The following TMEM39A variants were observed in gnomAD, a reference collection of about 807,000 sequenced individuals.
TMEM39A encodes the protein suppressor of SQST-1 aggregates in rpl-43 mutants.
A neutral mutation model predicts 51.9 loss-of-function variants in TMEM39A; 19 were observed. That is an observed-to-expected ratio of 0.37 (90% CI 0.26 to 0.54). The LOEUF (loss-of-function observed/expected upper bound fraction) is 0.54, where lower values mean the gene tolerates loss of function less well. TMEM39A is among the 20% of genes least tolerant of loss of function. The pLI is 0.88. For missense variants in TMEM39A, 433 were observed against 590.5 expected (o/e 0.73, Z 2.76); for synonymous variants, 197 against 220.2 (o/e 0.89, Z 0.93).
At position 119,456,434 on chromosome 3, in the gene TMEM39A, A is replaced by G. The variant is rs76139377; in HGVS notation, c.336+1584T>C. 2.9e-3 allele frequency among the ~76,000 whole-genome samples: 441 copies of G among 152,350 alleles called. 1 individual carries two copies. Among genetic ancestry groups the G allele is most frequent in the African/African-American group, 0.01 (427 of 41,574 alleles). Reference sequence around the variant, plus strand: ...AATACCAGGAACAACCAAATGATACAAATATTTAAAACAAAAATTTTTATT... The same window carrying G: ...AATACCAGGAACAACCAAATGATACGAATATTTAAAACAAAAATTTTTATT... On this transcript the variant is annotated intron_variant, in intron 3 of 8. Coordinates refer to ENST00000319172, the MANE Select transcript of TMEM39A (RefSeq NM_018266.3).
chr3:119,461,817 G>C (rs1577068957), intron 2 of TMEM39A, 145 bp downstream of exon 2: 3 of 619,146 alleles, frequency 4.8e-6, no homozygotes, highest in Non-Finnish European at 7.7e-6. Context: ...TTGGAATTCT[G>C]AATTTTGTCT....
intron 3 of TMEM39A, among the ~76,000 whole-genome samples, chr3:119,457,188 T>C (rs1247773712): frequency 6.6e-6 from 1 of 152,042 alleles, no homozygotes; most frequent in Non-Finnish European, 1.5e-5. Flanking sequence ...GCCAGGATGG[T>C]CTCGATCTCT....
chr3:119,452,324 C>T (rs956060464), intron 4 of TMEM39A, 123 bp downstream of exon 4: 1 of 618,156 alleles, frequency 1.6e-6, no homozygotes, highest in African/African-American at 1.9e-5. Context: ...ACTGGCAGAA[C>T]TCACATGGGA....
In TMEM39A at chr3:119,437,938, C is replaced by T. The variant is rs745906149; in HGVS notation, c.741G>A (p.Ser247=). 5 of 1,613,912 alleles carry T rather than the reference C, an allele frequency of 3.1e-6. No individual in the cohort carries two copies. In the African/African-American group the frequency reaches 4.0e-5, roughly 13 times the overall value. ...SKDFLSLLLE[S]LKEQFNNATP... ...TGGCATTATTAAACTGTTCTTTTAGCGACTCCAGCAACAAGGAGAGAAAGT... is the reference window on the plus strand; with the variant it reads ...TGGCATTATTAAACTGTTCTTTTAGTGACTCCAGCAACAAGGAGAGAAAGT... Residue 247 remains serine (S), a synonymous_variant, in exon 6 of 9, where the codon TCG becomes TCA. Transcript: ENST00000319172.
At chr3:119,439,579 C>CAA (rs201923985) in intron 5 of TMEM39A, among the ~76,000 whole-genome samples, 444 of 100,254 alleles carry the variant, frequency 4.4e-3, no homozygotes, top group Middle Eastern at 0.022. Flanking sequence ...AACTCCTTCT[C>CAA]AAAAAAAAAA....
Position 119,430,715 on chromosome 3 carries a change from C to G in TMEM39A, c.*1266G>C, listed in dbSNP as rs2080887391. On this transcript the variant is annotated 3_prime_UTR_variant, in exon 9 of 9. Coordinates refer to ENST00000319172, the MANE Select transcript of TMEM39A (RefSeq NM_018266.3). ...TTTACAAACACTCCTCACAATACTT[C>G]CCCTTGGTGAAGCCTTTCAGGAACT... 1 of 152,160 alleles carries G rather than the reference C, an allele frequency of 6.6e-6. No homozygotes were observed. The highest frequency in any genetic ancestry group is 2.4e-5 in the African/African-American group (1 of 41,448). 9.4% of individuals were successfully genotyped at this position (152,160 alleles called of 1,614,324 possible).
intron 3 of TMEM39A, among the ~76,000 whole-genome samples, chr3:119,457,512 T>A (rs1395765196): frequency 6.6e-6 from 1 of 152,148 alleles, no homozygotes; most frequent in Non-Finnish European, 1.5e-5. Flanking sequence ...CTAAGCTCTT[T>A]CCCCTTCTGG....
chr3:119,446,022 T>G (rs1032014692), intron 5 of TMEM39A, among the ~76,000 whole-genome samples: 1 of 152,202 alleles, frequency 6.6e-6, no homozygotes, highest in African/African-American at 2.4e-5. Context: ...CTATGTTTTT[T>G]CCTATACTAT....
At chr3:119,447,605 A>C (rs2081144926) in intron 4 of TMEM39A, among the ~76,000 whole-genome samples, 1 of 151,674 alleles carries the variant, frequency 6.6e-6, no homozygotes, top group Non-Finnish European at 1.5e-5. Context: ...CCAGTGTTTT[A>C]TTTATTTATT....
At chr3:119,449,210 C>G (rs1190127490) in intron 4 of TMEM39A, among the ~76,000 whole-genome samples, 1 of 152,070 alleles carries the variant, frequency 6.6e-6, no homozygotes, top group Non-Finnish European at 1.5e-5. Context: ...AAATAATTCT[C>G]AAATATAGTA....
intron 5 of TMEM39A, among the ~76,000 whole-genome samples, chr3:119,442,261 T>C (rs1172908326): frequency 1.3e-5 from 2 of 151,214 alleles, no homozygotes; most frequent in African/African-American, 4.9e-5. Flanking sequence ...GACAATCACT[T>C]GAACCTGGGA....
intron 5 of TMEM39A, among the ~76,000 whole-genome samples, chr3:119,440,254 C>T (rs1456545618): frequency 1.3e-5 from 2 of 152,154 alleles, no homozygotes; most frequent in Non-Finnish European, 2.9e-5. Flanking sequence ...TGTAGTCTCA[C>T]TGCCACATAA....
chr3:119,456,325 CAT>C (rs2081263292), intron 3 of TMEM39A, among the ~76,000 whole-genome samples: 1 of 152,140 alleles, frequency 6.6e-6, no homozygotes, highest in African/African-American at 2.4e-5. Flanking sequence ...GGCACTATAT[CAT>C]TGCAATTTTT....
In TMEM39A at chr3:119,429,937, G is replaced by C. The variant is rs1330841790; in HGVS notation, c.*2044C>G. 1 of 151,974 alleles carries C rather than the reference G, an allele frequency of 6.6e-6. No individual in the cohort carries two copies. The highest frequency in any genetic ancestry group is 1.5e-5 in the Non-Finnish European group (1 of 67,988). The allele number at this position is 151,974 out of a possible 1,614,324, so 9.4% of individuals were successfully genotyped here. ...TGTTATCTCTAATCAGGGTTTTCTGGGTTACTTTCCCAAGCTGGAGCCAAG... is the reference window on the plus strand; with the variant it reads ...TGTTATCTCTAATCAGGGTTTTCTGCGTTACTTTCCCAAGCTGGAGCCAAG... On this transcript the variant is annotated 3_prime_UTR_variant, in exon 9 of 9. Coordinates refer to ENST00000319172, the MANE Select transcript of TMEM39A (RefSeq NM_018266.3).
At chr3:119,432,337 A>G (rs1467396739) in intron 8 of TMEM39A, 123 bp from the exon 9 acceptor site, 4 of 632,986 alleles carry the variant, frequency 6.3e-6, no homozygotes, top group Non-Finnish European at 7.9e-6. Context: ...TAATAAATAG[A>G]TCTGTTTATT....
At chr3:119,456,171 A>C (rs946781405) in intron 3 of TMEM39A, among the ~76,000 whole-genome samples, 1 of 152,240 alleles carries the variant, frequency 6.6e-6, no homozygotes, top group Non-Finnish European at 1.5e-5. Context: ...TTATAGAACT[A>C]TATAGCTGTA....
At chr3:119,433,622 G>A (rs888071339) in intron 8 of TMEM39A, among the ~76,000 whole-genome samples, 3 of 152,118 alleles carry the variant, frequency 2.0e-5, no homozygotes, top group Admixed American at 6.6e-5. Flanking sequence ...AGGTCTCAAG[G>A]AGACAGCAAG....
chr3:119,435,733 C>T, intron 7 of TMEM39A: 6 of 1,005,110 alleles, frequency 6.0e-6, no homozygotes, highest in Non-Finnish European at 7.1e-6. Flanking sequence ...GAAAATGTTC[C>T]ACCGGCCTTG....
intron 4 of TMEM39A, 109 bp downstream of exon 4, chr3:119,452,333 GAGTAA>G: frequency 1.5e-6 from 1 of 682,976 alleles, no homozygotes; most frequent in South Asian, 2.0e-5. Flanking sequence ...ACTCACATGG[GAGTAA>G]AGTAATTTAT....
Sources: gnomAD v4.1 joint callset for allele counts (sites outside exome capture counted in the v4.1 genomes callset) on GRCh38, gnomAD v4.1.1 for gene constraint, MANE v1.5 for transcripts, NCBI Gene and HGNC (gene_info 2026-07-23, HGNC 2026-07-21) for gene names.